WDR20: variants seen among roughly 807,000 people sequenced by gnomAD.
WDR20 encodes the protein WD repeat-containing protein 20.
WDR20 carries 3 observed loss-of-function variants against 38.7 expected under a neutral mutation model. The observed-to-expected ratio is 0.08, with a 90% confidence interval of 0.04 to 0.20. WDR20 has a LOEUF of 0.20. WDR20 is among the 10% of genes least tolerant of loss of function. The pLI is 1.00. For missense variants in WDR20, 559 were observed against 727.7 expected (o/e 0.77, Z 2.67); for synonymous variants, 298 against 285.6 (o/e 1.04, Z -0.44).
Position 102,209,485 on chromosome 14 carries a change from G to T in WDR20, c.1315G>T (p.Ala439Ser), listed in dbSNP as rs200833496. Reference protein sequence around the residue: ...LPRSNSLPHSAVSNAGSKSSV... With the variant: ...LPRSNSLPHSSVSNAGSKSSV... ...ACGGTCCAACAGCCTTCCACATTCA[G>T]CAGTCTCAAATGCTGGCAGCAAAAG... Residue 439 changes from alanine (A) to serine (S), a missense_variant, in exon 3 of 3, where the codon GCA becomes TCA. By Grantham distance (99) the Ala-to-Ser change is moderately conservative (BLOSUM62 1). Transcript: ENST00000342702. The surrounding 1 kb of genome is among the most constrained non-coding windows in gnomAD (Gnocchi z 6.0). 645 of 1,614,078 alleles carry T rather than the reference G, an allele frequency of 4.0e-4. No homozygotes were observed. Among genetic ancestry groups the T allele is most frequent in the Non-Finnish European group, 5.1e-4 (604 of 1,180,048 alleles).
At chr14:102,149,136 T>C (rs924103281) in intron 1 of WDR20, among the ~76,000 whole-genome samples, 1 of 152,172 alleles carries the variant, frequency 6.6e-6, no homozygotes, top group Non-Finnish European at 1.5e-5. Context: ...CACTCCAGCC[T>C]GGGCGACAGA....
At chr14:102,163,797 A>C (rs1305188260) in intron 1 of WDR20, among the ~76,000 whole-genome samples, 1 of 151,998 alleles carries the variant, frequency 6.6e-6, no homozygotes, top group African/African-American at 2.4e-5. Flanking sequence ...TTTGTTTGGA[A>C]GTTTTGCTTT....
chr14:102,151,083 G>A (rs1391070605), intron 1 of WDR20, among the ~76,000 whole-genome samples: 1 of 152,046 alleles, frequency 6.6e-6, no homozygotes, highest in Non-Finnish European at 1.5e-5. Context: ...CCTATTAATA[G>A]GTGCTGTGTA....
intron 1 of WDR20, among the ~76,000 whole-genome samples, chr14:102,157,099 C>CA (rs1256959450): frequency 1.3e-4 from 20 of 151,966 alleles, no homozygotes; most frequent in Admixed American, 1.1e-3. Context: ...CCCATCTCTG[C>CA]AAAAAATTTT....
intron 1 of WDR20, among the ~76,000 whole-genome samples, chr14:102,150,530 G>T (rs2055426353): frequency 6.6e-6 from 1 of 152,184 alleles, no homozygotes; most frequent in Admixed American, 6.5e-5. Context: ...TTACCGCATT[G>T]TAGATTATTG....
chr14:102,143,964 C>T (rs972267379), intron 1 of WDR20, among the ~76,000 whole-genome samples: 4 of 151,578 alleles, frequency 2.6e-5, no homozygotes, highest in Admixed American at 2.6e-4. Flanking sequence ...ATCGCTTGAG[C>T]CCAGGAGTTT....
intron 1 of WDR20, among the ~76,000 whole-genome samples, chr14:102,147,168 GT>G (rs2053937032): frequency 6.6e-6 from 1 of 152,178 alleles, no homozygotes; most frequent in Non-Finnish European, 1.5e-5. Context: ...GCTGAGGCGG[GT>G]GGATCATCTG....
chr14:102,152,554 A>G (rs1202109199), intron 1 of WDR20, among the ~76,000 whole-genome samples: 1 of 151,750 alleles, frequency 6.6e-6, no homozygotes, highest in Non-Finnish European at 1.5e-5. Flanking sequence ...AGCTGGGACT[A>G]TAGGCGTGTG....
chr14:102,150,783 C>A (rs1226707075), intron 1 of WDR20, among the ~76,000 whole-genome samples: 3 of 152,100 alleles, frequency 2.0e-5, no homozygotes, highest in Non-Finnish European at 2.9e-5. Flanking sequence ...TGGGCCCTGA[C>A]CTTAAGAGTA....
At position 102,209,639 on chromosome 14, in the gene WDR20, A is replaced by G; in HGVS notation, c.1469A>G (p.Lys490Arg). The change falls in exon 3 of 3, where the codon AAG becomes AGG. Residue 490 changes from lysine (K) to arginine (R), a missense_variant. Lys to Arg is a conservative substitution (Grantham distance 26). Transcript: ENST00000342702. The surrounding 1 kb of genome is among the most constrained non-coding windows in gnomAD (Gnocchi z 6.0). ...RNHSMGHISS[K>R]SSDKLNLVTK... ...CATAGCATGGGACACATTTCTAGCA[A>G]GAGCAGTGACAAACTGAATCTAGTT... 1 of 1,614,240 alleles carries G rather than the reference A, an allele frequency of 6.2e-7. No individual in the cohort carries two copies. The highest frequency in any genetic ancestry group is 8.5e-7 in the Non-Finnish European group (1 of 1,180,044).
chr14:102,142,663 C>G (rs1332965572), intron 1 of WDR20, among the ~76,000 whole-genome samples: 1 of 151,748 alleles, frequency 6.6e-6, no homozygotes, highest in Non-Finnish European at 1.5e-5. Context: ...GCCGTGTTGC[C>G]CAGGCTGGTC....
chr14:102,185,814 CAAAAA>C (rs11317533), intron 1 of WDR20, among the ~76,000 whole-genome samples: 18 of 112,546 alleles, frequency 1.6e-4, no homozygotes, highest in Non-Finnish European at 3.2e-4. Flanking sequence ...GACTCCATCT[CAAAAA>C]AAAAAAAAAA....
intron 2 of WDR20, among the ~76,000 whole-genome samples, chr14:102,196,551 G>A (rs892291207): frequency 2.6e-5 from 4 of 152,152 alleles, no homozygotes; most frequent in African/African-American, 9.7e-5. Context: ...GGCAGGGATT[G>A]GAGCCATGTA....
chr14:102,208,271 A>G lies in WDR20; in HGVS notation c.433-332A>G, dbSNP rs931511090. 3.3e-5 allele frequency among the ~76,000 whole-genome samples: 5 copies of G among 152,250 alleles called. No individual in the cohort carries two copies. The highest frequency in any genetic ancestry group is 1.2e-4 in the African/African-American group (5 of 41,468). On this transcript the variant is annotated intron_variant, in intron 2 of 2. Coordinates refer to ENST00000342702, the MANE Select transcript of WDR20 (RefSeq NM_144574.4). This position sits in a 1 kb window ranked among gnomAD's most constrained non-coding sequence, Gnocchi z 5.6. ...CCAGATTCAGATGCACCTACTGTCAAGGAAGAAAGATCCCAGCAGGGCTGT... is the reference window on the plus strand; with the variant it reads ...CCAGATTCAGATGCACCTACTGTCAGGGAAGAAAGATCCCAGCAGGGCTGT...
At chr14:102,172,757 G>A (rs1411592017) in intron 1 of WDR20, among the ~76,000 whole-genome samples, 2 of 149,004 alleles carry the variant, frequency 1.3e-5, no homozygotes, top group African/African-American at 2.5e-5. Flanking sequence ...GGGCGGAGAC[G>A]CTCCTCACTT....
At chr14:102,171,290 G>A (rs1298274416) in intron 1 of WDR20, 3 of 142,250 alleles carry the variant, frequency 2.1e-5, no homozygotes, top group African/African-American at 7.8e-5. Flanking sequence ...AGGAGACAGG[G>A]TCTTGCTCTG....
At chr14:102,174,000 C>T (rs1410980897) in intron 1 of WDR20, among the ~76,000 whole-genome samples, 3 of 149,638 alleles carry the variant, frequency 2.0e-5, no homozygotes, top group East Asian at 3.9e-4. Context: ...GCTGAGATCG[C>T]GCCATTGCAC....
At chr14:102,184,907 G>A (rs2064251320) in intron 1 of WDR20, among the ~76,000 whole-genome samples, 1 of 152,154 alleles carries the variant, frequency 6.6e-6, no homozygotes, top group Non-Finnish European at 1.5e-5. Context: ...TCAGAAGCGC[G>A]CTAGAGACAA....
intron 1 of WDR20, among the ~76,000 whole-genome samples, chr14:102,149,126 C>T (rs558336861): frequency 6.6e-6 from 1 of 152,090 alleles, no homozygotes; most frequent in Non-Finnish European, 1.5e-5. Flanking sequence ...CGTGCCACTG[C>T]ACTCCAGCCT....
Sources: gnomAD v4.1 joint callset for allele counts (sites outside exome capture counted in the v4.1 genomes callset) on GRCh38, gnomAD v4.1.1 for gene constraint, Gnocchi (gnomAD v3.1) non-coding constraint, MANE v1.5 for transcripts, NCBI Gene and HGNC (gene_info 2026-07-23, HGNC 2026-07-21) for gene names.